The following NCKAP5 variants were observed in gnomAD, a reference collection of about 807,000 sequenced individuals.
The protein encoded by NCKAP5 is nck-associated protein 5.
Under a neutral mutation model 167.0 loss-of-function variants are expected in NCKAP5, and 92 were observed. The ratio of observed to expected loss-of-function variants is 0.55; its 90% CI spans 0.47 to 0.66. NCKAP5 has a LOEUF of 0.66. Ranked by LOEUF, NCKAP5 falls within the 30% of genes least tolerant of loss-of-function variation. The pLI, the probability that NCKAP5 is intolerant of heterozygous loss-of-function variation, is 0.00. For synonymous variants in NCKAP5, 891 were observed against 877.4 expected (o/e 1.02, Z -0.27); for missense variants, 2,378 against 2,315.0 (o/e 1.03, Z -0.56).
chr2:133,058,171 C>T (rs1476707436), intron 6 of NCKAP5, among the ~76,000 whole-genome samples: 1 of 152,190 alleles, frequency 6.6e-6, no homozygotes, highest in Non-Finnish European at 1.5e-5. Flanking sequence ...TGACAATGTA[C>T]TAGGTCACCC....
chr2:133,524,863 G>T (rs957221134), intron 2 of NCKAP5, among the ~76,000 whole-genome samples: 7 of 152,106 alleles, frequency 4.6e-5, no homozygotes, highest in Non-Finnish European at 8.8e-5. Flanking sequence ...ATGGGTAAGG[G>T]TGTGTTTGTG....
At chr2:133,672,508 T>G in the NCKAP5 span, among the ~76,000 whole-genome samples, 1 of 152,228 alleles carries the variant, frequency 6.6e-6, no homozygotes, top group Non-Finnish European at 1.5e-5. Context: ...GATTAGAAAT[T>G]TAAAACACAA....
chr2:133,423,413 AGT>A (rs1689604319), intron 3 of NCKAP5, among the ~76,000 whole-genome samples: 2 of 152,344 alleles, frequency 1.3e-5, no homozygotes, highest in East Asian at 3.9e-4. Flanking sequence ...ATGAAACTGA[AGT>A]GAAGTGAAGC....
intron 4 of NCKAP5, among the ~76,000 whole-genome samples, chr2:133,251,605 A>C (rs2088339402): frequency 6.6e-6 from 1 of 152,208 alleles, no homozygotes; most frequent in Non-Finnish European, 1.5e-5. Flanking sequence ...GCACTCTATC[A>C]AACTGTAACC....
intron 3 of NCKAP5, among the ~76,000 whole-genome samples, chr2:133,396,969 A>G (rs1687770380): frequency 2.0e-5 from 3 of 152,234 alleles, no homozygotes; most frequent in Non-Finnish European, 4.4e-5. Flanking sequence ...CCTATAATGC[A>G]GAATGGTGTG....
intron 3 of NCKAP5, among the ~76,000 whole-genome samples, chr2:133,351,012 C>T (rs1684323904): frequency 6.6e-6 from 1 of 152,104 alleles, no homozygotes; most frequent in South Asian, 2.1e-4. Flanking sequence ...CTTTGAATTG[C>T]TTATTACAGT....
At chr2:133,328,526 GT>G (rs1317584649) in intron 3 of NCKAP5, among the ~76,000 whole-genome samples, 14 of 152,210 alleles carry the variant, frequency 9.2e-5, no homozygotes, top group Non-Finnish European at 1.9e-4. Flanking sequence ...GTGCCACCAG[GT>G]AGAGCTCCTG....
chr2:133,130,235 G>A lies in NCKAP5; in HGVS notation c.208-124C>T, dbSNP rs143913498. The stretch of plus-strand genomic sequence containing the variant: ...AATTTCATCCTTTGAACAACCCCAC[G>A]AAGTAGGTCCTATTCTTAATCTCTT... On this transcript the variant is annotated intron_variant, in intron 5 of 19. Coordinates refer to ENST00000409261, the MANE Select transcript of NCKAP5 (RefSeq NM_207363.3). 3.5e-3 allele frequency: 3,572 copies of A among 1,033,606 alleles called. 45 individuals are homozygous for A. Among genetic ancestry groups the A allele is most frequent in the Admixed American group, 0.016 (490 of 29,976 alleles). 64.0% of individuals were successfully genotyped at this position (1,033,606 alleles called of 1,614,324 possible).
chr2:132,790,391 A>T (rs1453363584), intron 12 of NCKAP5, among the ~76,000 whole-genome samples, 186 bp from the exon 13 acceptor site: 2 of 152,168 alleles, frequency 1.3e-5, no homozygotes. Flanking sequence ...CGCACAGAAC[A>T]TCACAGCTCA....
intron 3 of NCKAP5, among the ~76,000 whole-genome samples, chr2:133,436,017 C>A (rs180859335): frequency 6.6e-6 from 1 of 152,318 alleles, no homozygotes; most frequent in East Asian, 1.9e-4. Flanking sequence ...TTCACCCAGA[C>A]CCTCAAGCAG....
chr2:133,365,546 T>TA (rs1373371779), intron 3 of NCKAP5, among the ~76,000 whole-genome samples: 1 of 147,420 alleles, frequency 6.8e-6, no homozygotes, highest in African/African-American at 2.6e-5. Flanking sequence ...CACACACACG[T>TA]ATATATACAT....
chr2:132,845,730 T>C (rs1046666038), intron 11 of NCKAP5, among the ~76,000 whole-genome samples: 1 of 152,090 alleles, frequency 6.6e-6, no homozygotes, highest in African/African-American at 2.4e-5. Flanking sequence ...TTCTGTGTAG[T>C]TCTTTATTTT....
At chr2:133,212,945 A>T (rs1340009401) in intron 5 of NCKAP5, among the ~76,000 whole-genome samples, 1 of 152,216 alleles carries the variant, frequency 6.6e-6, no homozygotes. Context: ...ACTTCAGGGT[A>T]TAAAAATGTA....
intron 5 of NCKAP5, among the ~76,000 whole-genome samples, chr2:133,139,704 A>G (rs1209786046): frequency 2.0e-5 from 3 of 152,196 alleles, no homozygotes; most frequent in African/African-American, 4.8e-5. Context: ...ATACTACCAT[A>G]AAAGGAACAA....
At chr2:133,193,273 T>C (rs544674432) in intron 5 of NCKAP5, among the ~76,000 whole-genome samples, 28 of 152,190 alleles carry the variant, frequency 1.8e-4, no homozygotes, top group African/African-American at 6.5e-4. Flanking sequence ...GAAATGGTTG[T>C]GGCTATGAAA....
At chr2:133,125,293 C>T (rs2082368804) in intron 6 of NCKAP5, among the ~76,000 whole-genome samples, 1 of 151,090 alleles carries the variant, frequency 6.6e-6, no homozygotes, top group Non-Finnish European at 1.5e-5. Flanking sequence ...CAATATTCCT[C>T]AAAGTGCTCC....
intron 4 of NCKAP5, among the ~76,000 whole-genome samples, chr2:133,258,248 T>C (rs1300690061): frequency 6.6e-6 from 1 of 152,110 alleles, no homozygotes; most frequent in East Asian, 1.9e-4. Context: ...ATAGAAGTAG[T>C]TTAGAAATCT....
At chr2:132,689,771 T>TTGTG (rs142866584) in intron 19 of NCKAP5, among the ~76,000 whole-genome samples, 21 of 151,490 alleles carry the variant, frequency 1.4e-4, no homozygotes, top group African/African-American at 4.6e-4. Flanking sequence ...TCTTGCATCC[T>TTGTG]TGTGTGTGTG....
At chr2:133,320,070 C>T (rs958250278) in intron 3 of NCKAP5, among the ~76,000 whole-genome samples, 3 of 152,038 alleles carry the variant, frequency 2.0e-5, no homozygotes, top group Admixed American at 6.5e-5. Context: ...CTGGACAGCA[C>T]ATGTATGGAT....
Sources: allele counts gnomAD v4.1 joint callset (sites outside exome capture counted in the v4.1 genomes callset), GRCh38; gene constraint gnomAD v4.1.1; transcripts MANE v1.5; gene names NCBI Gene and HGNC (gene_info 2026-07-23, HGNC 2026-07-21).